The following TMPO variants were observed in gnomAD, a reference collection of about 807,000 sequenced individuals.
TMPO encodes the protein LEM domain containing 4.
In TMPO, 22 loss-of-function variants were observed where a neutral mutation model predicts 45.4. The ratio of observed to expected loss-of-function variants is 0.48; its 90% CI spans 0.35 to 0.69. The LOEUF (loss-of-function observed/expected upper bound fraction) is 0.69. Among genes scored for constraint, TMPO ranks in the 30% least tolerant of loss-of-function variants. TMPO has a pLI of 0.01. For synonymous variants in TMPO, 241 were observed against 204.1 expected (o/e 1.18, Z -1.54); for missense variants, 512 against 548.8 (o/e 0.93, Z 0.67).
At chr12:98,517,451 G>T (rs1263343770) in intron 1 of TMPO, among the ~76,000 whole-genome samples, 2 of 152,236 alleles carry the variant, frequency 1.3e-5, no homozygotes, top group African/African-American at 4.8e-5. Flanking sequence ...AAGAGACAGT[G>T]AATGTGGTGT....
rs192980899 is a variant in TMPO, at chr12:98,532,042, T to A, written c.565+204T>A. On this transcript the variant is annotated intron_variant, in intron 3 of 8. Coordinates refer to ENST00000556029, the MANE Select transcript of TMPO (RefSeq NM_001032283.3). Reference sequence around the variant, plus strand: ...CATAGTACAAATTCATAATTTTCCATCACCTGAAATTGCAAGTTAACTTTG... The same window carrying A: ...CATAGTACAAATTCATAATTTTCCAACACCTGAAATTGCAAGTTAACTTTG... The A allele has an allele frequency of 5.8e-6, 3 of 515,380 alleles. No homozygotes were observed. In the East Asian group the frequency reaches 1.0e-4, roughly 18 times the overall value. The allele number at this position is 515,380 out of a possible 1,614,324, so 31.9% of individuals were successfully genotyped here.
intron 5 of TMPO, 45 bp downstream of exon 5, chr12:98,544,394 T>C (rs953191732): frequency 4.3e-6 from 7 of 1,613,132 alleles, no homozygotes; most frequent in Non-Finnish European, 5.9e-6. Flanking sequence ...TGTAGGGTTT[T>C]AGTATTATTT....
chr12:98,522,743 A>G (rs1418183016), intron 1 of TMPO, among the ~76,000 whole-genome samples: 1 of 152,260 alleles, frequency 6.6e-6, no homozygotes, highest in Non-Finnish European at 1.5e-5. Flanking sequence ...TGACATGTAT[A>G]TCATAGCATG....
Position 98,548,744 on chromosome 12 carries a change from T to C in TMPO, c.*886T>C, listed in dbSNP as rs1344781860. The C allele has an allele frequency of 2.6e-5, 4 of 152,232 alleles. No individual in the cohort carries two copies. The East Asian group carries it at 7.7e-4, about 29-fold the overall frequency. 9.4% of individuals were successfully genotyped at this position (152,232 alleles called of 1,614,324 possible). A position where few individuals can be genotyped will look rare whatever the true frequency, so the allele number is the denominator to read the frequency against. On this transcript the variant is annotated 3_prime_UTR_variant, in exon 9 of 9. Coordinates refer to ENST00000556029, the MANE Select transcript of TMPO (RefSeq NM_001032283.3). ...ACACTGGTCTTATGTTTCATTTGGA[T>C]TCATTATTGCATTGTCTTGTTACCA... is the stretch of plus-strand genomic sequence containing the variant.
chr12:98,536,197 C>A (rs558902994), intron 3 of TMPO, among the ~76,000 whole-genome samples: 77 of 152,280 alleles, frequency 5.1e-4, no homozygotes, highest in African/African-American at 1.8e-3. Flanking sequence ...GTCTTGACCA[C>A]TTTTTCACAC....
At chr12:98,534,816 CAT>C (rs1323160027) in intron 3 of TMPO, 1 of 1,001,952 alleles carries the variant, frequency 1.0e-6, no homozygotes, top group Non-Finnish European at 1.2e-6. Context: ...TATTTTTGCT[CAT>C]ATTTTCTTAC....
Position 98,545,020 on chromosome 12 carries a change from A to G in TMPO, c.949A>G (p.Ile317Val). Residue 317 changes from isoleucine to valine, a missense_variant, in exon 7 of 9, where the codon ATA (isoleucine) becomes GTA (valine). Coordinates refer to ENST00000556029, the MANE Select transcript of TMPO (RefSeq NM_001032283.3). ...PILPITEFSDIPRRAPKKPLT... is the reference protein window; with the variant it reads ...PILPITEFSDVPRRAPKKPLT... The stretch of plus-strand genomic sequence containing the variant: ...TCTGCCAATCACTGAATTCTCAGAC[A>G]TACCCAGAAGAGCACCAAAGAAACC... 2 of 1,613,904 alleles carry G rather than the reference A, an allele frequency of 1.2e-6. No homozygotes were observed. The highest frequency in any genetic ancestry group is 8.5e-7 in the Non-Finnish European group (1 of 1,179,936).
At chr12:98,533,314 C>G in intron 3 of TMPO, 1 of 1,614,154 alleles carries the variant, frequency 6.2e-7, no homozygotes, top group Non-Finnish European at 8.5e-7. Context: ...TCAATCGCCT[C>G]TCTCCAGTAA....
At chr12:98,538,923 G>A (rs555746896) in intron 4 of TMPO, among the ~76,000 whole-genome samples, 63 of 152,142 alleles carry the variant, frequency 4.1e-4, no homozygotes, top group African/African-American at 9.4e-4. Flanking sequence ...GAAATAGGCC[G>A]GGCGCGGTGG....
At chr12:98,533,332 G>C in intron 3 of TMPO, 2 of 1,614,198 alleles carry the variant, frequency 1.2e-6, no homozygotes, top group Non-Finnish European at 1.7e-6. Flanking sequence ...TAAAAGGAAA[G>C]CACTAGAAGA....
intron 1 of TMPO, among the ~76,000 whole-genome samples, chr12:98,521,099 AATTT>A (rs1876322407): frequency 4.3e-5 from 4 of 93,018 alleles, no homozygotes; most frequent in African/African-American, 1.6e-4. Context: ...GTTTATGAGG[AATTT>A]TTTTTTTTTT....
At chr12:98,537,360 A>C in intron 3 of TMPO, 115 bp from the exon 4 acceptor site, 3 of 785,372 alleles carry the variant, frequency 3.8e-6, no homozygotes, top group Non-Finnish European at 6.2e-6. Flanking sequence ...TTACCAGTAG[A>C]CTTGTTTTTC....
At position 98,529,747 on chromosome 12, in the gene TMPO, TG is replaced by T. The variant is rs922769540; in HGVS notation, c.406+1740del. Among the ~76,000 whole-genome samples the T allele has an allele frequency of 5.3e-5, 8 of 152,022 alleles. No individual in the cohort carries two copies. The East Asian group carries it at 1.4e-3, about 26-fold the overall frequency. On this transcript the variant is annotated intron_variant, in intron 2 of 8. Coordinates refer to ENST00000556029, the MANE Select transcript of TMPO (RefSeq NM_001032283.3). The stretch of plus-strand genomic sequence containing the variant: ...CTAATTTTTGTAGTTTTTGTAGGGA[TG>T]GGGGCACACTATATTGCCCAGGGTG...
At chr12:98,525,788 GA>G (rs1876722490) in intron 1 of TMPO, among the ~76,000 whole-genome samples, 1 of 150,566 alleles carries the variant, frequency 6.6e-6, no homozygotes, top group Admixed American at 6.6e-5. Context: ...TTCTAGGTCA[GA>G]ACATTTTTAT....
intron 4 of TMPO, among the ~76,000 whole-genome samples, chr12:98,542,508 T>A (rs1365151394): frequency 6.6e-6 from 1 of 150,528 alleles, no homozygotes; most frequent in African/African-American, 2.4e-5. Context: ...GGATTGAGAA[T>A]CTCAGATTAT....
intron 4 of TMPO, among the ~76,000 whole-genome samples, chr12:98,542,115 T>C (rs1877948094): frequency 6.6e-6 from 1 of 152,222 alleles, no homozygotes; most frequent in Non-Finnish European, 1.5e-5. Flanking sequence ...ATTTTGCATG[T>C]GTCACTGCAT....
Position 98,547,901 on chromosome 12 carries a change from A to G in TMPO, c.*43A>G, listed in dbSNP as rs755180248. ...CGTTCAACTTGGTCTCCTATTTTCA[A>G]TAACTGTTGAAAAACATTTGTGTAC... On this transcript the variant is annotated 3_prime_UTR_variant, in exon 9 of 9. Coordinates refer to ENST00000556029, the MANE Select transcript of TMPO (RefSeq NM_001032283.3). 1.1e-5 allele frequency: 17 copies of G among 1,603,792 alleles called. No individual in the cohort carries two copies. The South Asian group carries it at 1.2e-4, about 12-fold the overall frequency.
intron 3 of TMPO, chr12:98,533,310 G>T (rs375628010): frequency 1.2e-6 from 2 of 1,614,018 alleles, no homozygotes; most frequent in South Asian, 1.1e-5. Flanking sequence ...CAGATCAATC[G>T]CCTCTCTCCA....
chr12:98,533,954 A>G lies in TMPO; in HGVS notation c.565+2116A>G. On this transcript the variant is annotated intron_variant, in intron 3 of 8. Transcript: ENST00000556029. ...ACTGAGTCTTGCAATCAGCAGTTGG[A>G]CTTAGCACTCTGTAGAGCATATGAA... 6.2e-7 allele frequency: 1 copy of G among 1,613,734 alleles called. No individual in the cohort carries two copies.
Sources: gnomAD v4.1 joint callset for allele counts (sites outside exome capture counted in the v4.1 genomes callset) on GRCh38, gnomAD v4.1.1 for gene constraint, MANE v1.5 for transcripts, NCBI Gene and HGNC (gene_info 2026-07-23, HGNC 2026-07-21) for gene names.